Variants in KCTD8 observed in about 807,000 individuals in gnomAD.
KCTD8 encodes the protein BTB/POZ domain-containing protein KCTD8.
Under a neutral mutation model 31.5 loss-of-function variants are expected in KCTD8, and 27 were observed. The observed-to-expected ratio is 0.86, with a 90% CI of 0.63 to 1.18. The LOEUF (loss-of-function observed/expected upper bound fraction) is 1.18, where lower values mean the gene tolerates loss of function less well. Ranked by LOEUF, KCTD8 falls within the 50% of genes most tolerant of loss-of-function variation. The pLI, the probability that KCTD8 is intolerant of heterozygous loss-of-function variation, is 0.00. For synonymous variants in KCTD8, 290 were observed against 280.0 expected, an observed-to-expected ratio of 1.04 and a Z score of -0.36; for missense variants, 658 against 647.7, an observed-to-expected ratio of 1.02 and a Z score of -0.17.
At chr4:44,284,447 C>T (rs530343395) in intron 1 of KCTD8, among the ~76,000 whole-genome samples, 1 of 152,238 alleles carries the variant, frequency 6.6e-6, no homozygotes, top group East Asian at 1.9e-4. Flanking sequence ...GGACCCCTTT[C>T]TTACACCTTA....
At chr4:44,203,324 G>A (rs1044327132) in intron 1 of KCTD8, among the ~76,000 whole-genome samples, 2 of 151,876 alleles carry the variant, frequency 1.3e-5, no homozygotes, top group Admixed American at 6.6e-5. Context: ...CCAACATGAT[G>A]AAATTCCATC....
chr4:44,406,307 CT>C (rs1216296185), intron 1 of KCTD8, among the ~76,000 whole-genome samples: 1 of 152,110 alleles, frequency 6.6e-6, no homozygotes, highest in Non-Finnish European at 1.5e-5. Context: ...TGACTCTTCT[CT>C]TTTGATATGC....
intron 1 of KCTD8, among the ~76,000 whole-genome samples, chr4:44,208,628 A>G (rs192565199): frequency 6.6e-6 from 1 of 152,288 alleles, no homozygotes; most frequent in Non-Finnish European, 1.5e-5. Context: ...CTTCTTGTCC[A>G]GGAGTTGGAA....
At chr4:44,181,816 G>GGCT (rs1450005231) in intron 1 of KCTD8, among the ~76,000 whole-genome samples, 3 of 151,450 alleles carry the variant, frequency 2.0e-5, no homozygotes, top group Non-Finnish European at 4.4e-5. Context: ...GTCTCTGCCC[G>GGCT]GCTGCCCATC....
chr4:44,339,394 C>T (rs1381145836), intron 1 of KCTD8, among the ~76,000 whole-genome samples: 2 of 151,870 alleles, frequency 1.3e-5, no homozygotes, highest in African/African-American at 4.8e-5. Context: ...AAAATTAAAC[C>T]TCAGAAAATT....
intron 1 of KCTD8, among the ~76,000 whole-genome samples, chr4:44,304,015 A>G (rs538565496): frequency 5.3e-5 from 8 of 152,288 alleles, no homozygotes; most frequent in African/African-American, 1.7e-4. Flanking sequence ...AAAATTTCAC[A>G]TAACACTAAA....
chr4:44,389,622 T>C (rs1441488340), intron 1 of KCTD8, among the ~76,000 whole-genome samples: 1 of 151,582 alleles, frequency 6.6e-6, no homozygotes, highest in Non-Finnish European at 1.5e-5. Context: ...GTTTAATGAG[T>C]ATGGAGTTTA....
intron 1 of KCTD8, among the ~76,000 whole-genome samples, chr4:44,179,555 C>T (rs1713318012): frequency 6.7e-6 from 1 of 149,792 alleles, no homozygotes; most frequent in South Asian, 2.1e-4. Context: ...TCACATTTTG[C>T]TAATCCTATT....
At chr4:44,218,949 C>T (rs1714729956) in intron 1 of KCTD8, among the ~76,000 whole-genome samples, 1 of 152,144 alleles carries the variant, frequency 6.6e-6, no homozygotes. Flanking sequence ...TCATTCTTTT[C>T]TACTCAAAGC....
At chr4:44,414,246 T>A (rs1490266956) in intron 1 of KCTD8, among the ~76,000 whole-genome samples, 1 of 151,842 alleles carries the variant, frequency 6.6e-6, no homozygotes, top group South Asian at 2.1e-4. Context: ...TTATTAAGCA[T>A]CAACCAAGAA....
At chr4:44,325,497 T>C (rs1429524769) in intron 1 of KCTD8, among the ~76,000 whole-genome samples, 1 of 151,842 alleles carries the variant, frequency 6.6e-6, no homozygotes, top group Non-Finnish European at 1.5e-5. Context: ...AGCGTGTAAC[T>C]GGATTGTTTG....
intron 1 of KCTD8, among the ~76,000 whole-genome samples, chr4:44,408,086 T>G (rs1265732208): frequency 1.3e-5 from 2 of 152,294 alleles, no homozygotes; most frequent in East Asian, 3.9e-4. Flanking sequence ...TAGGCAACTT[T>G]GAGATAAAAT....
At chr4:44,308,270 A>G (rs1474179267) in intron 1 of KCTD8, among the ~76,000 whole-genome samples, 1 of 151,960 alleles carries the variant, frequency 6.6e-6, no homozygotes, top group Non-Finnish European at 1.5e-5. Context: ...CAATCATTCA[A>G]TCAATCAATA....
At chr4:44,300,226 T>C (rs1717569316) in intron 1 of KCTD8, among the ~76,000 whole-genome samples, 1 of 152,168 alleles carries the variant, frequency 6.6e-6, no homozygotes, top group Non-Finnish European at 1.5e-5. Flanking sequence ...AAAGTTCTGA[T>C]ATTTATCAGA....
At chr4:44,187,814 G>T (rs1350559690) in intron 1 of KCTD8, among the ~76,000 whole-genome samples, 1 of 152,058 alleles carries the variant, frequency 6.6e-6, no homozygotes, top group Non-Finnish European at 1.5e-5. Context: ...ACTTATGAGG[G>T]CTGTGTATAA....
At chr4:44,243,323 T>A (rs1715559515) in intron 1 of KCTD8, among the ~76,000 whole-genome samples, 1 of 152,250 alleles carries the variant, frequency 6.6e-6, no homozygotes, top group Non-Finnish European at 1.5e-5. Flanking sequence ...CTACTTCAAG[T>A]ATGGTTACAA....
chr4:44,413,567 C>A (rs1047118423), intron 1 of KCTD8, among the ~76,000 whole-genome samples: 10 of 152,074 alleles, frequency 6.6e-5, no homozygotes, highest in African/African-American at 2.2e-4. Context: ...GCTCAAAGGA[C>A]CAGATTTTTC....
chr4:44,314,919 C>G (rs2109401977), intron 1 of KCTD8, among the ~76,000 whole-genome samples: 1 of 150,538 alleles, frequency 6.6e-6, no homozygotes, highest in East Asian at 1.9e-4. Flanking sequence ...TACTCCTCCT[C>G]CTCTACCTCA....
chr4:44,339,596 G>A (rs190647581), intron 1 of KCTD8, among the ~76,000 whole-genome samples: 3 of 152,000 alleles, frequency 2.0e-5, no homozygotes, highest in East Asian at 1.9e-4. Context: ...TATAGTTGAA[G>A]GTTTTAACAC....
Sources: gnomAD v4.1 joint callset for allele counts (sites outside exome capture counted in the v4.1 genomes callset) on GRCh38, gnomAD v4.1.1 for gene constraint, MANE v1.5 for transcripts, NCBI Gene and HGNC (gene_info 2026-07-23, HGNC 2026-07-21) for gene names.